The following SWT1 variants were observed in gnomAD, a reference collection of about 807,000 sequenced individuals.
SWT1 encodes SWT1 RNA endoribonuclease homolog.
Under a neutral mutation model 107.3 loss-of-function variants are expected in SWT1, and 33 were observed. The ratio of observed to expected loss-of-function variants is 0.31; its 90% CI spans 0.23 to 0.41. SWT1 has a LOEUF of 0.41. Ranked by LOEUF, SWT1 falls within the 10% of genes least tolerant of loss-of-function variation. SWT1 has a pLI of 1.00. For synonymous variants in SWT1, 345 were observed against 348.3 expected (o/e 0.99, Z 0.11); for missense variants, 898 against 1,028.9 (o/e 0.87, Z 1.74).
At chr1:185,160,598 A>T (rs1654054690) in intron 1 of SWT1, among the ~76,000 whole-genome samples, 2 of 152,074 alleles carry the variant, frequency 1.3e-5, no homozygotes, top group African/African-American at 4.8e-5. Context: ...GCTGCTCAGG[A>T]GGCTGAGGCA....
chr1:185,195,423 A>G (rs1429721220), intron 10 of SWT1, among the ~76,000 whole-genome samples: 1 of 152,132 alleles, frequency 6.6e-6, no homozygotes, highest in Non-Finnish European at 1.5e-5. Context: ...GTTGGTTCCA[A>G]GTCTTTGCTA....
Position 185,268,053 on chromosome 1 carries a change from G to A in SWT1, c.2442-3270G>A, listed in dbSNP as rs566234568. 3.3e-5 allele frequency among the ~76,000 whole-genome samples: 5 copies of A among 152,288 alleles called. No individual in the cohort carries two copies. The East Asian group carries it at 7.7e-4, about 24-fold the overall frequency. On this transcript the variant is annotated intron_variant, in intron 16 of 18. Transcript: ENST00000367500. ...TTCAGAGTTCATAGGATGTAATGAA[G>A]TCTAAATTCAACCCCAAGTTGACTG...
At chr1:185,227,958 G>A (rs1184591192) in intron 15 of SWT1, among the ~76,000 whole-genome samples, 1 of 151,358 alleles carries the variant, frequency 6.6e-6, no homozygotes, top group Non-Finnish European at 1.5e-5. Context: ...GGTCATAGTG[G>A]CATGCACCTG....
chr1:185,180,280 G>T (rs1655910422), intron 5 of SWT1, 111 bp from the exon 6 acceptor site: 1 of 827,618 alleles, frequency 1.2e-6, no homozygotes, highest in Non-Finnish European at 2.0e-6. Context: ...GCAATATACA[G>T]GGCAACCCCT....
Position 185,222,050 on chromosome 1 carries a change from G to T in SWT1, c.2309+14G>T. ...ATATCAGAACAGGTACTAAATTTGG[G>T]GGAATTTTTTTTTAGTTATTTTTTA... On this transcript the variant is annotated intron_variant, in intron 15 of 18. Transcript: ENST00000367500. 1 of 1,462,978 alleles carries T rather than the reference G, an allele frequency of 6.8e-7. No individual in the cohort carries two copies. Among genetic ancestry groups the T allele is most frequent in the Non-Finnish European group, 9.1e-7 (1 of 1,103,228 alleles). The allele number at this position is 1,462,978 out of a possible 1,614,324, so 90.6% of individuals were successfully genotyped here. A position where few individuals can be genotyped will look rare whatever the true frequency, so the allele number is the denominator to read the frequency against.
In SWT1 at chr1:185,271,408, A is replaced by C. The variant is rs199968097; in HGVS notation, c.2508+19A>C. 339 of 1,243,024 alleles carry C rather than the reference A, an allele frequency of 2.7e-4. 1 individual carries two copies. Among genetic ancestry groups the C allele is most frequent in the Non-Finnish European group, 3.7e-4 (315 of 852,544 alleles). The allele number at this position is 1,243,024 out of a possible 1,614,324, so 77.0% of individuals were successfully genotyped here. ...GTATGAGGTATGGGAAATATTTTAA[A>C]ATATTTATCACATTTCTACTTTAAA... On this transcript the variant is annotated intron_variant, in intron 17 of 18. Coordinates refer to ENST00000367500, the MANE Select transcript of SWT1 (RefSeq NM_017673.7).
At chr1:185,181,354 G>T (rs1656004707) in intron 6 of SWT1, among the ~76,000 whole-genome samples, 1 of 152,202 alleles carries the variant, frequency 6.6e-6, no homozygotes, top group Non-Finnish European at 1.5e-5. Context: ...GGTGCTCCTT[G>T]ATAGAAGAAA....
intron 14 of SWT1, among the ~76,000 whole-genome samples, chr1:185,221,178 C>T (rs1301256472): frequency 6.6e-6 from 1 of 152,200 alleles, no homozygotes; most frequent in Non-Finnish European, 1.5e-5. Context: ...CTCCCTCACT[C>T]CCTGGATCTA....
intron 4 of SWT1, among the ~76,000 whole-genome samples, chr1:185,172,712 G>A (rs1239779420): frequency 2.6e-5 from 4 of 152,030 alleles, no homozygotes; most frequent in Admixed American, 6.6e-5. Flanking sequence ...AACCCCTTGC[G>A]AGTATTTGAT....
At chr1:185,223,049 C>T (rs772120600) in intron 15 of SWT1, among the ~76,000 whole-genome samples, 13 of 152,156 alleles carry the variant, frequency 8.5e-5, no homozygotes, top group Non-Finnish European at 1.6e-4. Flanking sequence ...CATTTCATGT[C>T]CTTTGGATGT....
intron 10 of SWT1, among the ~76,000 whole-genome samples, chr1:185,196,132 C>T (rs998780299): frequency 2.0e-4 from 30 of 152,054 alleles, no homozygotes; most frequent in Admixed American, 9.8e-4. Flanking sequence ...TTAGGTCTTA[C>T]GTTTAAGTTT....
intron 16 of SWT1, among the ~76,000 whole-genome samples, chr1:185,257,480 G>A (rs973635269): frequency 5.3e-5 from 8 of 151,124 alleles, no homozygotes; most frequent in South Asian, 2.1e-4. Context: ...ATATAATCTC[G>A]TGGTGCGCCG....
intron 16 of SWT1, among the ~76,000 whole-genome samples, chr1:185,261,627 A>G (rs1256644809): frequency 6.6e-6 from 1 of 151,174 alleles, no homozygotes; most frequent in Non-Finnish European, 1.5e-5. Context: ...AGAGTGCACA[A>G]GGGTTCCAAT....
At chr1:185,250,254 C>T (rs1462643629) in intron 16 of SWT1, among the ~76,000 whole-genome samples, 2 of 152,104 alleles carry the variant, frequency 1.3e-5, no homozygotes, top group East Asian at 1.9e-4. Context: ...CAGCCTCCCT[C>T]GTAGCTGTCA....
At chr1:185,202,544 A>G (rs1657970008) in intron 10 of SWT1, 110 bp from the exon 11 acceptor site, 2 of 868,442 alleles carry the variant, frequency 2.3e-6, no homozygotes, top group South Asian at 1.8e-5. Context: ...TTCTTAAGGT[A>G]TAGGCTGAGA....
At chr1:185,168,213 T>C (rs1464451244) in intron 3 of SWT1, 127 bp from the exon 4 acceptor site, 4 of 529,044 alleles carry the variant, frequency 7.6e-6, no homozygotes, top group Non-Finnish European at 1.2e-5. Flanking sequence ...ATGATGATAA[T>C]ATCCATCTCA....
At chr1:185,173,970 A>G (rs1325112059) in intron 4 of SWT1, among the ~76,000 whole-genome samples, 1 of 152,176 alleles carries the variant, frequency 6.6e-6, no homozygotes, top group African/African-American at 2.4e-5. Context: ...GCAGTGAGCC[A>G]TGTTTGCATC....
In SWT1 at chr1:185,174,778, T is replaced by C; in HGVS notation, c.631T>C (p.Phe211Leu). The C allele has an allele frequency of 6.2e-7, 1 of 1,610,678 alleles. No homozygotes were observed. The highest frequency in any genetic ancestry group is 1.3e-5 in the African/African-American group (1 of 74,690). The change falls in exon 5 of 19, where the codon TTT (phenylalanine) becomes CTT (leucine). Residue 211 changes from phenylalanine (F) to leucine (L), a missense_variant. Around this residue, in one of 6 missense-constraint regions of SWT1, gnomAD observed 382 missense variants for 362.4 expected, o/e 1.05. Transcript: ENST00000367500. Reference sequence around the variant, plus strand: ...CTTAGAGAAATGGAAGAGAAATCAATTTTCTCAGGATTATAACTCCAACAA... The same window carrying C: ...CTTAGAGAAATGGAAGAGAAATCAACTTTCTCAGGATTATAACTCCAACAA... ...CVLEKWKRNQFSQDYNSNKII... is the reference protein window; with the variant it reads ...CVLEKWKRNQLSQDYNSNKII...
chr1:185,290,617 ATTT>A (rs1261463108), intron 18 of SWT1, 54 bp from the exon 19 acceptor site: 1 of 1,334,548 alleles, frequency 7.5e-7, no homozygotes, highest in Non-Finnish European at 9.9e-7. Context: ...ATGAAAAAGA[ATTT>A]TTATTTCTCT....
Sources: gnomAD v4.1 joint callset for allele counts (sites outside exome capture counted in the v4.1 genomes callset) on GRCh38, gnomAD v4.1.1 for gene constraint, gnomAD v4.1.1 regional missense constraint, MANE v1.5 for transcripts, NCBI Gene and HGNC (gene_info 2026-07-23, HGNC 2026-07-21) for gene names.